The following CENPI variants were observed in gnomAD, a reference collection of about 807,000 sequenced individuals.
CENPI encodes centromere protein I.
A neutral mutation model predicts 60.4 loss-of-function variants in CENPI; 4 were observed. That is an observed-to-expected ratio of 0.07 (90% CI 0.03 to 0.15). The LOEUF (loss-of-function observed/expected upper bound fraction) is 0.15. Among genes scored for constraint, CENPI ranks in the 10% least tolerant of loss-of-function variants. CENPI has a pLI of 1.00. For synonymous variants in CENPI, 157 were observed against 189.4 expected (o/e 0.83, Z 1.40); for missense variants, 444 against 534.5 (o/e 0.83, Z 1.67).
At chrX:101,137,810 C>T (rs2089862301) in intron 15 of CENPI, among the ~76,000 whole-genome samples, 2 of 101,085 alleles carry the variant, frequency 2.0e-5, no homozygotes, top group South Asian at 1.0e-3. Flanking sequence ...GGCAGTATCT[C>T]GTAACAGGTA....
chrX:101,126,455 GAA>G (rs749466420), intron 8 of CENPI, among the ~76,000 whole-genome samples: 327 of 111,784 alleles, frequency 2.9e-3, no homozygotes, highest in African/African-American at 9.5e-3. Flanking sequence ...TATAGGAAGA[GAA>G]GAGAAAAATA....
At chrX:101,149,105 T>C (rs1458676825) in intron 20 of CENPI, among the ~76,000 whole-genome samples, 3 of 111,843 alleles carry the variant, frequency 2.7e-5, no homozygotes, top group South Asian at 3.7e-4. Context: ...GATTGGAATT[T>C]TGAAGCACGA....
chrX:101,145,283 C>A, intron 17 of CENPI, 84 bp downstream of exon 17: 2 of 758,589 alleles, frequency 2.6e-6, no homozygotes, highest in Non-Finnish European at 3.8e-6. Flanking sequence ...TCATGCACAA[C>A]CATTAAGGTG....
intron 4 of CENPI, among the ~76,000 whole-genome samples, chrX:101,104,458 A>G (rs2089460087): frequency 8.9e-6 from 1 of 111,872 alleles, no homozygotes; most frequent in Admixed American, 9.6e-5. Context: ...CTCTCATTTA[A>G]AGGTGAGGAA....
Position 101,102,308 on chromosome X carries a change from C to T in CENPI, c.261C>T (p.Thr87=). The T allele has an allele frequency of 7.5e-6, 9 of 1,193,015 alleles. No individual in the cohort carries two copies. The highest frequency in any genetic ancestry group is 1.0e-5 in the Non-Finnish European group (9 of 882,380). The change falls in exon 4 of 22, where the codon ACC becomes ACT. Residue 87 remains threonine, a synonymous_variant. Transcript: ENST00000682095. ...AAGCTTCACAGAATAAAGATAAAAC[C>T]TTGGAAAAACACTTGAAAACTGTGG... ...PIKASQNKDK[T]LEKHLKTVEN...
chrX:101,156,815 G>A (rs1361542577), intron 20 of CENPI, among the ~76,000 whole-genome samples: 1 of 109,414 alleles, frequency 9.1e-6, no homozygotes, highest in Admixed American at 9.9e-5. Context: ...CTAGATTGCT[G>A]CAAATGCCAT....
intron 12 of CENPI, among the ~76,000 whole-genome samples, chrX:101,129,698 A>G (rs1195983742): frequency 8.9e-6 from 1 of 112,177 alleles, no homozygotes; most frequent in Non-Finnish European, 1.9e-5. Context: ...TTGGATTGCT[A>G]TGTGATATAA....
rs776819678 is a variant in CENPI at position 101,132,450 on chromosome X, T to C, written c.1464T>C (p.Tyr488=). ...AGCTCTTCTTTACATCAACCATTTA[T>C]TTCAAGGTAACAAAAACTTGTCTTG... ...LAQLFFTSTI[Y]FKCSVLQSLK... Residue 488 remains tyrosine (Y), a synonymous_variant, in exon 15 of 22, where the codon TAT becomes TAC. Transcript: ENST00000682095. The C allele has an allele frequency of 8.3e-7, 1 of 1,207,080 alleles. No homozygotes were observed. Among genetic ancestry groups the C allele is most frequent in the South Asian group, 1.8e-5 (1 of 56,694 alleles).
intron 15 of CENPI, 81 bp from the exon 16 acceptor site, chrX:101,140,585 C>T: frequency 1.5e-6 from 1 of 686,101 alleles, no homozygotes; most frequent in Non-Finnish European, 2.3e-6. Flanking sequence ...TGGTCCTTTT[C>T]ATCTCTAAGC....
intron 20 of CENPI, among the ~76,000 whole-genome samples, chrX:101,152,936 C>G (rs945405331): frequency 9.4e-6 from 1 of 106,491 alleles, no homozygotes; most frequent in Non-Finnish European, 1.9e-5. Context: ...GTATATATAC[C>G]TTTGGTATAT....
At chrX:101,119,754 A>G (rs2089657752) in intron 6 of CENPI, among the ~76,000 whole-genome samples, 1 of 112,298 alleles carries the variant, frequency 8.9e-6, no homozygotes, top group South Asian at 3.7e-4. Context: ...TTGTATATAT[A>G]CTGACTGGAA....
rs185892381 is a variant in CENPI, at chrX:101,136,414, G to A, written c.1470+3958G>A. On this transcript the variant is annotated intron_variant, in intron 15 of 21. Transcript: ENST00000682095. ...AGACAAGGAAGAATAAGTGACTAAA[G>A]GGGCTTACATATTGGGAGGTGACTA... is the stretch of plus-strand genomic sequence containing the variant. 4.5e-5 allele frequency among the ~76,000 whole-genome samples: 5 copies of A among 111,976 alleles called. No homozygotes were observed. In the East Asian group the frequency reaches 1.4e-3, roughly 31 times the overall value.
At chrX:101,101,016 G>A in intron 2 of CENPI, 42 bp from the exon 3 acceptor site, 1 of 977,519 alleles carries the variant, frequency 1.0e-6, no homozygotes, top group East Asian at 3.1e-5. Flanking sequence ...AAAAAGGACT[G>A]TTTGGCTGAT....
chrX:101,155,339 G>A (rs769019060), intron 20 of CENPI, among the ~76,000 whole-genome samples: 3 of 110,588 alleles, frequency 2.7e-5, no homozygotes, highest in South Asian at 3.9e-4. Flanking sequence ...ATGGGTACCC[G>A]CCACCACGCC....
At chrX:101,100,271 G>A (rs2089399380) in intron 2 of CENPI, among the ~76,000 whole-genome samples, 1 of 111,729 alleles carries the variant, frequency 9.0e-6, no homozygotes, top group African/African-American at 3.3e-5. Context: ...AAAATGCTTA[G>A]TCTGGCCACC....
chrX:101,139,206 C>T (rs2089886999), intron 15 of CENPI, among the ~76,000 whole-genome samples: 1 of 103,298 alleles, frequency 9.7e-6, no homozygotes, highest in Non-Finnish European at 2.0e-5. Flanking sequence ...AATTCTCCTG[C>T]CTCTCAGCCT....
At chrX:101,157,649 CAAAAA>C (rs11337861) in intron 20 of CENPI, among the ~76,000 whole-genome samples, 1 of 49,134 alleles carries the variant, frequency 2.0e-5, no homozygotes, top group Non-Finnish European at 3.7e-5. Context: ...GACCTTGTCT[CAAAAA>C]AAAAAAAAAA....
chrX:101,114,638 G>A (rs149858210), intron 6 of CENPI, among the ~76,000 whole-genome samples: 1,674 of 112,092 alleles, frequency 0.015, 42 homozygotes, highest in African/African-American at 0.051. Context: ...GCATGTATTA[G>A]TACTTTTTTT....
rs1391731661 is a variant in CENPI at position 101,132,317 on chromosome X, A to G, written c.1405+10A>G. ...TTTAGTAGCTTCTCTGGTATGTATCATGAAAATTTGGAGTCATTTGATTCA... is the reference window on the plus strand; with the variant it reads ...TTTAGTAGCTTCTCTGGTATGTATCGTGAAAATTTGGAGTCATTTGATTCA... On this transcript the variant is annotated intron_variant, in intron 14 of 21. Coordinates refer to ENST00000682095, the MANE Select transcript of CENPI (RefSeq NM_001386188.2). 12 of 1,190,315 alleles carry G rather than the reference A, an allele frequency of 1.0e-5. No homozygotes were observed. The highest frequency in any genetic ancestry group is 1.4e-5 in the Non-Finnish European group (12 of 878,243).
Sources: allele counts gnomAD v4.1 joint callset (sites outside exome capture counted in the v4.1 genomes callset), GRCh38; gene constraint gnomAD v4.1.1; transcripts MANE v1.5; gene names NCBI Gene and HGNC (gene_info 2026-07-23, HGNC 2026-07-21).